The following NRG1 variants were observed in gnomAD, a reference collection of about 807,000 sequenced individuals.
The protein encoded by NRG1 is pro-neuregulin-1, membrane-bound isoform.
NRG1 carries 18 observed loss-of-function variants against 63.8 expected under a neutral mutation model. The observed-to-expected ratio is 0.28, with a 90% CI of 0.19 to 0.42. The LOEUF is 0.42. NRG1 is among the 10% of genes least tolerant of loss of function. NRG1 has a pLI of 1.00. For missense variants in NRG1, 762 were observed against 814.7 expected (o/e 0.94, Z 0.79); for synonymous variants, 302 against 301.3 (o/e 1.00, Z -0.02).
intron 1 of NRG1, among the ~76,000 whole-genome samples, chr8:32,014,033 AC>A (rs1815138195): frequency 6.6e-6 from 1 of 152,130 alleles, no homozygotes; most frequent in African/African-American, 2.4e-5. Context: ...GCCTCACATC[AC>A]CTTTTCTTTT....
At chr8:31,823,572 T>G (rs1451807212) in intron 1 of NRG1, among the ~76,000 whole-genome samples, 3 of 152,204 alleles carry the variant, frequency 2.0e-5, no homozygotes, top group Non-Finnish European at 4.4e-5. Flanking sequence ...GGAAATGTTT[T>G]GATACTTGAA....
chr8:31,866,619 T>C (rs1828987181), intron 1 of NRG1, among the ~76,000 whole-genome samples: 1 of 152,112 alleles, frequency 6.6e-6, no homozygotes, highest in Non-Finnish European at 1.5e-5. Flanking sequence ...ACAAGTGTAT[T>C]AGAGAGTTTA....
At chr8:31,795,935 A>C (rs755211615) in intron 1 of NRG1, among the ~76,000 whole-genome samples, 2 of 152,218 alleles carry the variant, frequency 1.3e-5, no homozygotes, top group Non-Finnish European at 2.9e-5. Context: ...CAGTACCTAG[A>C]ACAGCCCTTT....
chr8:31,672,711 G>T (rs761686928), intron 1 of NRG1, among the ~76,000 whole-genome samples: 1 of 152,006 alleles, frequency 6.6e-6, no homozygotes, highest in Non-Finnish European at 1.5e-5. Context: ...AGGAAAAATT[G>T]CAATAATTAA....
chr8:32,075,091 A>G (rs1239930205), intron 1 of NRG1, among the ~76,000 whole-genome samples: 8 of 152,222 alleles, frequency 5.3e-5, no homozygotes. Context: ...ATGACCTACT[A>G]TGTGTAACGC....
chr8:32,005,284 T>A (rs1281579142), intron 1 of NRG1, among the ~76,000 whole-genome samples: 1 of 151,958 alleles, frequency 6.6e-6, no homozygotes, highest in African/African-American at 2.4e-5. Context: ...CAGAGTCAAG[T>A]ATCCTCACAT....
intron 1 of NRG1, among the ~76,000 whole-genome samples, chr8:32,248,793 A>G (rs569203791): frequency 6.6e-6 from 1 of 152,216 alleles, no homozygotes; most frequent in African/African-American, 2.4e-5. Flanking sequence ...CACAAGTAGA[A>G]TAGAAGCATA....
chr8:32,441,609 A>T (rs1032881092), intron 1 of NRG1, among the ~76,000 whole-genome samples: 3 of 152,100 alleles, frequency 2.0e-5, no homozygotes, highest in Non-Finnish European at 2.9e-5. Context: ...ACATAGTGAG[A>T]TGCTGTCTTT....
chr8:31,855,567 G>A (rs1179838548), intron 1 of NRG1, among the ~76,000 whole-genome samples: 4 of 152,066 alleles, frequency 2.6e-5, no homozygotes, highest in African/African-American at 7.2e-5. Flanking sequence ...TTTTTATCCA[G>A]TTTGCCAGTC....
chr8:32,657,081 TATTA>T (rs1018810682), intron 5 of NRG1, among the ~76,000 whole-genome samples: 1 of 152,032 alleles, frequency 6.6e-6, no homozygotes, highest in African/African-American at 2.4e-5. Context: ...GTTTAAAAGT[TATTA>T]ATTTAAAATT....
At chr8:32,041,617 G>A (rs1020637188) in intron 1 of NRG1, among the ~76,000 whole-genome samples, 1 of 152,164 alleles carries the variant, frequency 6.6e-6, no homozygotes, top group African/African-American at 2.4e-5. Flanking sequence ...GGGTCCCCAG[G>A]TTTCTAAAGC....
At chr8:31,878,325 T>C (rs543296626) in intron 1 of NRG1, among the ~76,000 whole-genome samples, 240 of 152,296 alleles carry the variant, frequency 1.6e-3, no homozygotes, top group South Asian at 0.014. Flanking sequence ...TGTATACAGA[T>C]AGGTTGTATT....
In NRG1 at chr8:32,030,091, T is replaced by C. The variant is rs1818028429; in HGVS notation, c.37+390660T>C. On this transcript the variant is annotated intron_variant, in intron 1 of 10. Transcript: ENST00000519301. Reference sequence around the variant, plus strand: ...GTTTCACAATCATCATTACTTATTATAGTTTATACTGTTTGAATAATAAAT... The same window carrying C: ...GTTTCACAATCATCATTACTTATTACAGTTTATACTGTTTGAATAATAAAT... 5.3e-5 allele frequency among the ~76,000 whole-genome samples: 8 copies of C among 152,262 alleles called. No individual in the cohort carries two copies. The South Asian group carries it at 1.4e-3, about 28-fold the overall frequency.
chr8:32,403,299 C>CAAAAAAAAAAA (rs68127664), intron 1 of NRG1, among the ~76,000 whole-genome samples: 11 of 89,790 alleles, frequency 1.2e-4, no homozygotes, highest in African/African-American at 2.5e-4. Flanking sequence ...CACTCTGTCT[C>CAAAAAAAAAAA]AAAAAAAAAA....
Position 31,710,478 on chromosome 8 carries a change from C to G in NRG1, c.37+71047C>G, listed in dbSNP as rs79704755. On this transcript the variant is annotated intron_variant, in intron 1 of 10. Coordinates refer to the NRG1 transcript ENST00000519301. The stretch of plus-strand genomic sequence containing the variant: ...CATAGCTTGAGAGAAGAGAATTACT[C>G]TCTTCTCACTAGTGTGTTTCTGTCT... Among the ~76,000 whole-genome samples the G allele has an allele frequency of 3.0e-3, 457 of 152,020 alleles. 6 individuals are homozygous for G. Among genetic ancestry groups the G allele is most frequent in the African/African-American group, 9.4e-3 (391 of 41,528 alleles).
intron 1 of NRG1, among the ~76,000 whole-genome samples, chr8:32,205,412 T>C (rs573032500): frequency 1.3e-5 from 2 of 152,250 alleles, no homozygotes; most frequent in African/African-American, 4.8e-5. Context: ...ACATTTGTGA[T>C]AATGACAAAA....
chr8:31,706,835 A>G (rs1422959172), intron 1 of NRG1, among the ~76,000 whole-genome samples: 1 of 152,154 alleles, frequency 6.6e-6, no homozygotes, highest in Non-Finnish European at 1.5e-5. Flanking sequence ...ATGTTCCTCT[A>G]TACATGATTT....
intron 1 of NRG1, among the ~76,000 whole-genome samples, chr8:32,451,066 T>C (rs17643260): frequency 0.1 from 15,646 of 152,256 alleles, 1,192 homozygotes; most frequent in Admixed American, 0.24. Flanking sequence ...CTTTGGCCTT[T>C]CAAACTATGG....
At chr8:31,799,921 T>C (rs1468845682) in intron 1 of NRG1, among the ~76,000 whole-genome samples, 4 of 152,136 alleles carry the variant, frequency 2.6e-5, no homozygotes, top group African/African-American at 9.7e-5. Flanking sequence ...TAAGATAATA[T>C]TTGTAAAGTT....
Sources: allele counts gnomAD v4.1 joint callset (sites outside exome capture counted in the v4.1 genomes callset), GRCh38; gene constraint gnomAD v4.1.1; transcripts MANE v1.5; gene names NCBI Gene and HGNC (gene_info 2026-07-23, HGNC 2026-07-21).